Variants in SET observed in about 807,000 individuals in gnomAD.
SET encodes SET nuclear proto-oncogene.
A neutral mutation model predicts 39.0 loss-of-function variants in SET; 4 were observed. The ratio of observed to expected loss-of-function variants is 0.10; its 90% CI spans 0.05 to 0.23. SET has a LOEUF of 0.23. SET is among the 10% of genes least tolerant of loss of function. The pLI, the probability that SET is intolerant of heterozygous loss-of-function variation, is 1.00. For missense variants in SET, 137 were observed against 329.7 expected (o/e 0.42, Z 4.53); for synonymous variants, 114 against 115.9 (o/e 0.98, Z 0.11).
At position 128,689,315 on chromosome 9, in the gene SET, G is replaced by C; in HGVS notation, c.-268G>C. ...CGAGCGCGAGTGAGGGAGCCGAGCC[G>C]CCCGCCGCCGCCGCCTCCGCCTCCC... On this transcript the variant is annotated 5_prime_UTR_variant, in exon 1 of 8. Coordinates refer to ENST00000322030, the MANE Select transcript of SET (RefSeq NM_003011.4). The C allele has an allele frequency of 9.7e-7, 1 of 1,028,872 alleles. No homozygotes were observed. The highest frequency in any genetic ancestry group is 1.2e-6 in the Non-Finnish European group (1 of 857,538). 63.7% of individuals were successfully genotyped at this position (1,028,872 alleles called of 1,614,324 possible).
In SET at chr9:128,694,237, T is replaced by TG. The variant is rs375014803; in HGVS notation, c.810+197dup. 4.1e-4 allele frequency among the ~76,000 whole-genome samples: 60 copies of TG among 145,412 alleles called. 1 individual carries two copies. Among genetic ancestry groups the TG allele is most frequent in the African/African-American group, 1.4e-3 (58 of 40,158 alleles). On this transcript the variant is annotated intron_variant, in intron 7 of 7. Coordinates refer to ENST00000322030, the MANE Select transcript of SET (RefSeq NM_003011.4). ...TACTAATGTTTAACTAGGTTTTTTTTGGTTTTTTTTTGGGTTTTTTTGGTT... is the reference window on the plus strand; with the variant it reads ...TACTAATGTTTAACTAGGTTTTTTTTGGGTTTTTTTTTGGGTTTTTTTGGTT...
exon 1 of SET, chr9:128,683,802 T>A (rs1861194784): frequency 2.7e-6 from 3 of 1,123,596 alleles, no homozygotes; most frequent in Admixed American, 5.0e-5. Context: ...CAGTGCAGAT[T>A]TAAGCCGCTG....
intron 5 of SET, 114 bp downstream of exon 5, chr9:128,693,095 A>G (rs1861605238): frequency 1.4e-6 from 1 of 706,876 alleles, no homozygotes; most frequent in Non-Finnish European, 2.4e-6. Context: ...AAACCTTAAA[A>G]TATAAAACGT....
At position 128,696,314 on chromosome 9, in the gene SET, A is replaced by C. The variant is rs1861738524; in HGVS notation, c.*1650A>C. On this transcript the variant is annotated 3_prime_UTR_variant, in exon 8 of 8. Coordinates refer to ENST00000322030, the MANE Select transcript of SET (RefSeq NM_003011.4). ...TAGATGGATAGTATGTAATTTCTGCACAGGTCTCTGTTTAGTAAATACATC... is the reference window on the plus strand; with the variant it reads ...TAGATGGATAGTATGTAATTTCTGCCCAGGTCTCTGTTTAGTAAATACATC... 2 of 190,778 alleles carry C rather than the reference A, an allele frequency of 1.0e-5. No homozygotes were observed. The highest frequency in any genetic ancestry group is 1.2e-4 in the Admixed American group (2 of 16,460). 11.8% of individuals were successfully genotyped at this position (190,778 alleles called of 1,614,324 possible).
intron 2 of SET, 28 bp downstream of exon 2, chr9:128,691,255 G>A: frequency 7.0e-7 from 1 of 1,436,624 alleles, no homozygotes; most frequent in Non-Finnish European, 9.7e-7. Flanking sequence ...ATACTTCGGA[G>A]AAATTTTCTG....
At chr9:128,692,258 C>A in intron 3 of SET, 1 of 365,172 alleles carries the variant, frequency 2.7e-6, no homozygotes, top group South Asian at 4.2e-5. Flanking sequence ...GGCGTGGTGG[C>A]GCGCGCTTGT....
At chr9:128,692,634 T>G (rs771956484) in intron 3 of SET, 28 bp from the exon 4 acceptor site, 1 of 1,470,900 alleles carries the variant, frequency 6.8e-7, no homozygotes, top group East Asian at 2.3e-5. Context: ...TGTTGAAAAT[T>G]CAGCTGACCT....
chr9:128,693,844 T>G (rs1554776947), intron 6 of SET, 36 bp downstream of exon 6: 1 of 1,606,082 alleles, frequency 6.2e-7, no homozygotes, highest in Non-Finnish European at 8.5e-7. Flanking sequence ...AGGTTGGACT[T>G]GTCTCGGTTG....
At chr9:128,692,134 C>A in intron 3 of SET, 134 bp downstream of exon 3, 1 of 1,077,268 alleles carries the variant, frequency 9.3e-7, no homozygotes, top group Non-Finnish European at 1.3e-6. Flanking sequence ...CACCTGTAAT[C>A]CCAGCACTTT....
chr9:128,692,412 A>AC (rs1221971707), intron 3 of SET: 5 of 258,506 alleles, frequency 1.9e-5, no homozygotes, highest in Non-Finnish European at 3.7e-5. Context: ...AAAAAAAAAA[A>AC]AAAAAAAAAA....
At chr9:128,687,901 G>A (rs796813717), upstream of SET, among the ~76,000 whole-genome samples, 12 of 152,184 alleles carry the variant, frequency 7.9e-5, no homozygotes, top group African/African-American at 2.9e-4. Flanking sequence ...ATTTGAAATT[G>A]GCCAGCGTAT....
rs1475645856 is a variant in SET at position 128,694,688 on chromosome 9, C to T, written c.*24C>T. On this transcript the variant is annotated 3_prime_UTR_variant, in exon 8 of 8. Coordinates refer to ENST00000322030, the MANE Select transcript of SET (RefSeq NM_003011.4). ...AAATAGAACACTGATGGATTCCAAC[C>T]TTCCTTTTTTTAAATTTTCTCCAGT... 6.9e-7 allele frequency: 1 copy of T among 1,452,390 alleles called. No individual in the cohort carries two copies. The allele number at this position is 1,452,390 out of a possible 1,614,324, so 90.0% of individuals were successfully genotyped here. A position where few individuals can be genotyped will look rare whatever the true frequency, so the allele number is the denominator to read the frequency against.
intron 1 of SET, 46 bp from the exon 2 acceptor site, chr9:128,691,124 T>C (rs1861519829): frequency 2.8e-6 from 4 of 1,444,986 alleles, no homozygotes; most frequent in African/African-American, 1.4e-5. Flanking sequence ...TCTGGAAAAC[T>C]AGGTAAATTT....
At position 128,683,732 on chromosome 9, in the gene SET, G is replaced by A. The variant is rs959100010; in HGVS notation, c.-164G>A. 1.6e-4 allele frequency: 92 copies of A among 558,652 alleles called. No individual in the cohort carries two copies. The Middle Eastern group carries it at 2.0e-3, about 12-fold the overall frequency. The allele number at this position is 558,652 out of a possible 1,614,324, so 34.6% of individuals were successfully genotyped here. On this transcript the variant is annotated 5_prime_UTR_variant, in exon 1 of 8. Coordinates refer to the SET transcript ENST00000372692. Reference sequence around the variant, plus strand: ...GAGGGTGGGTGGGATGAGGCTGGGGGAGGGGGCCGGGGTGTGTGTCCCACT... The same window carrying A: ...GAGGGTGGGTGGGATGAGGCTGGGGAAGGGGGCCGGGGTGTGTGTCCCACT...
At position 128,693,619 on chromosome 9, in the gene SET, TC is replaced by T; in HGVS notation, c.493-18del. 1 of 1,589,184 alleles carries T rather than the reference TC, an allele frequency of 6.3e-7. No homozygotes were observed. The highest frequency in any genetic ancestry group is 8.6e-7 in the Non-Finnish European group (1 of 1,168,400). ...GTTATGGAGAGATTGTATCAAAAGC[TC>T]TTCCGGTATTCATTTAGGATTTGAC... On this transcript the variant is annotated intron_variant, in intron 5 of 7. Transcript: ENST00000322030.
chr9:128,688,574 G>A (rs1331050451), upstream of SET, among the ~76,000 whole-genome samples: 1 of 152,190 alleles, frequency 6.6e-6, no homozygotes, highest in Non-Finnish European at 1.5e-5. Context: ...GTTTAATGTG[G>A]CTTCAGTGTC....
upstream of SET, among the ~76,000 whole-genome samples, chr9:128,686,780 T>C (rs561525765): frequency 6.6e-6 from 1 of 152,154 alleles, no homozygotes; most frequent in East Asian, 1.9e-4. Context: ...GAGACCAGCC[T>C]GGGCAACATG....
intron 3 of SET, chr9:128,692,437 A>G (rs1310581422): frequency 3.2e-6 from 1 of 313,582 alleles, no homozygotes; most frequent in East Asian, 5.3e-5. Context: ...AAAGACGGGA[A>G]AAGATATACA....
chr9:128,695,902 C>T lies in SET; in HGVS notation c.*1238C>T, dbSNP rs1861720087. 3.5e-5 allele frequency: 8 copies of T among 227,840 alleles called. No individual in the cohort carries two copies. In the South Asian group the frequency reaches 1.5e-3, roughly 42 times the overall value. 14.1% of individuals were successfully genotyped at this position (227,840 alleles called of 1,614,324 possible). On this transcript the variant is annotated 3_prime_UTR_variant, in exon 8 of 8. Transcript: ENST00000322030. ...GTGCCTGCCACCACCATCCAACAGA[C>T]CTGGTGCTCTAATGCCAAGTTATAC... is the stretch of plus-strand genomic sequence containing the variant.
Sources: allele counts gnomAD v4.1 joint callset (sites outside exome capture counted in the v4.1 genomes callset), GRCh38; gene constraint gnomAD v4.1.1; transcripts MANE v1.5; gene names NCBI Gene and HGNC (gene_info 2026-07-23, HGNC 2026-07-21).